Variants in CPXCR1 observed in about 807,000 individuals in gnomAD.
CPXCR1 encodes the protein CPX chromosomal region candidate gene 1 protein.
Under a neutral mutation model 13.8 loss-of-function variants are expected in CPXCR1, and 15 were observed. The observed-to-expected ratio is 1.09, with a 90% CI of 0.73 to 1.67. The LOEUF is 1.67. Among genes scored for constraint, CPXCR1 ranks in the 40% most tolerant of loss-of-function variants. CPXCR1 has a pLI of 0.00. For missense variants in CPXCR1, 247 were observed against 223.6 expected, an observed-to-expected ratio of 1.10 and a Z score of -0.67; for synonymous variants, 70 against 76.7, an observed-to-expected ratio of 0.91 and a Z score of 0.46.
In CPXCR1 at chrX:88,753,560, T is replaced by A; in HGVS notation, c.146T>A (p.Ile49Lys). Residue 49 changes from isoleucine to lysine, a missense_variant, in exon 3 of 3, where the codon ATA (isoleucine) becomes AAA (lysine). Physicochemically the swap from Ile to Lys is moderately radical, Grantham distance 102 (BLOSUM62 -3). Coordinates refer to ENST00000276127, the MANE Select transcript of CPXCR1 (RefSeq NM_033048.6). Reference protein sequence around the residue: ...NMIYQVETNPINREPGTATSQ... With the variant: ...NMIYQVETNPKNREPGTATSQ... ...ATCTATCAGGTAGAAACCAACCCAA[T>A]AAACAGGGAGCCAGGCACAGCAACC... is the stretch of plus-strand genomic sequence containing the variant. The A allele has an allele frequency of 1.7e-6, 2 of 1,206,541 alleles. No homozygotes were observed. The highest frequency in any genetic ancestry group is 3.0e-5 in the East Asian group (1 of 33,606).
Position 88,753,982 on chromosome X carries a change from C to G in CPXCR1, c.568C>G (p.His190Asp). Residue 190 changes from histidine to aspartate, a missense_variant, in exon 3 of 3, where the codon CAC (histidine) becomes GAC (aspartate). Transcript: ENST00000276127. ...CLYHPNSFTHHERAITFRRPS... is the reference protein window; with the variant it reads ...CLYHPNSFTHDERAITFRRPS... Reference sequence around the variant, plus strand: ...TTACCATCCAAATAGTTTCACCCATCACGAGAGAGCCATAACATTTAGAAG... The same window carrying G: ...TTACCATCCAAATAGTTTCACCCATGACGAGAGAGCCATAACATTTAGAAG... The G allele has an allele frequency of 8.3e-7, 1 of 1,208,910 alleles. No individual in the cohort carries two copies. Among genetic ancestry groups the G allele is most frequent in the Non-Finnish European group, 1.1e-6 (1 of 893,536 alleles).
chrX:88,750,739 C>T (rs1439521837), intron 2 of CPXCR1, among the ~76,000 whole-genome samples: 1 of 111,651 alleles, frequency 9.0e-6, no homozygotes, highest in Non-Finnish European at 1.9e-5. Flanking sequence ...TAATTACTGC[C>T]TCAATTTAAG....
In CPXCR1 at chrX:88,753,516, A is replaced by G. The variant is rs1256876265; in HGVS notation, c.102A>G (p.Pro34=). ...ACTGTAGTACAGACATAGAGTCTCC[A>G]TCTGCTGATCCCAATATGATCTATC... ...PNDCSTDIES[P]SADPNMIYQV... The change falls in exon 3 of 3, where the codon CCA becomes CCG. Residue 34 remains proline, a synonymous_variant. Transcript: ENST00000276127. 8.3e-7 allele frequency: 1 copy of G among 1,206,289 alleles called. No homozygotes were observed. Among genetic ancestry groups the G allele is most frequent in the Non-Finnish European group, 1.1e-6 (1 of 891,967 alleles).
At chrX:88,752,002 T>C (rs1924931717) in intron 2 of CPXCR1, among the ~76,000 whole-genome samples, 1 of 111,872 alleles carries the variant, frequency 8.9e-6, no homozygotes, top group African/African-American at 3.3e-5. Flanking sequence ...AAAAACCATG[T>C]TAGTCAATTT....
In CPXCR1 at chrX:88,753,385, TTG is replaced by T. The variant is rs765224050; in HGVS notation, c.-8-20_-8-19del. ...GAACATACATAAATTTAGTAAATCT[TTG>T]TCTTCTTTCCCATAAATAGAACCCA... On this transcript the variant is annotated intron_variant, in intron 2 of 2. Transcript: ENST00000276127. 15 of 913,922 alleles carry T rather than the reference TTG, an allele frequency of 1.6e-5. No homozygotes were observed. The African/African-American group carries it at 3.1e-4, about 19-fold the overall frequency. The allele number at this position is 913,922 out of a possible 1,213,427, so 75.3% of individuals were successfully genotyped here. A position where few individuals can be genotyped will look rare whatever the true frequency, so the allele number is the denominator to read the frequency against.
intron 1 of CPXCR1, among the ~76,000 whole-genome samples, chrX:88,748,439 G>T (rs1398888488): frequency 1.8e-5 from 2 of 108,180 alleles, no homozygotes; most frequent in African/African-American, 6.7e-5. Context: ...GAAAACAGCA[G>T]ACTCGGTGGT....
In CPXCR1 at chrX:88,747,241, G is replaced by GT. The variant is rs1160971624; in HGVS notation, c.-242dup. The GT allele has an allele frequency of 8.9e-6, 1 of 112,036 alleles. No homozygotes were observed. Among genetic ancestry groups the GT allele is most frequent in the Non-Finnish European group, 1.9e-5 (1 of 53,292 alleles). The allele number at this position is 112,036 out of a possible 1,213,427, so 9.2% of individuals were successfully genotyped here. A position where few individuals can be genotyped will look rare whatever the true frequency, so the allele number is the denominator to read the frequency against. On this transcript the variant is annotated 5_prime_UTR_variant, in exon 1 of 3. Transcript: ENST00000276127. ...CTGTGAAACAGGAGTAAGTGGAGAG[G>GT]TAGAGGGCAGAAGAAAAGGGGTCAA...
intron 1 of CPXCR1, 40 bp downstream of exon 1, chrX:88,747,409 C>T (rs748731972): frequency 1.8e-5 from 2 of 112,131 alleles, no homozygotes; most frequent in African/African-American, 3.2e-5. Flanking sequence ...TTAGAATATA[C>T]GTAAGAAATT....
intron 1 of CPXCR1, among the ~76,000 whole-genome samples, chrX:88,748,870 T>C (rs1001153203): frequency 2.4e-4 from 26 of 109,663 alleles, no homozygotes; most frequent in African/African-American, 8.0e-4. Context: ...CATACTTATC[T>C]TTATTTTTTG....
At chrX:88,748,448 G>A (rs1034366273) in intron 1 of CPXCR1, among the ~76,000 whole-genome samples, 7 of 108,416 alleles carry the variant, frequency 6.5e-5, no homozygotes, top group African/African-American at 2.3e-4. Flanking sequence ...AGACTCGGTG[G>A]TAAACACAGT....
chrX:88,750,010 T>C (rs193095860), intron 2 of CPXCR1, among the ~76,000 whole-genome samples: 4 of 110,577 alleles, frequency 3.6e-5, no homozygotes, highest in Admixed American at 9.8e-5. Context: ...TATACAATCA[T>C]GTCATCTGCA....
At chrX:88,750,653 G>A (rs1924890766) in intron 2 of CPXCR1, among the ~76,000 whole-genome samples, 1 of 111,961 alleles carries the variant, frequency 8.9e-6, no homozygotes, top group African/African-American at 3.2e-5. Context: ...AATGGTACCA[G>A]CTCCTCTTTT....
chrX:88,748,214 A>C (rs1422930895), intron 1 of CPXCR1, among the ~76,000 whole-genome samples: 1 of 110,858 alleles, frequency 9.0e-6, no homozygotes, highest in Non-Finnish European at 1.9e-5. Flanking sequence ...TTGTGGAAAA[A>C]ATGATTTTGG....
Position 88,753,629 on chromosome X carries a change from T to C in CPXCR1, c.215T>C (p.Leu72Pro), listed in dbSNP as rs1202733319. The C allele has an allele frequency of 5.0e-6, 6 of 1,204,539 alleles. No individual in the cohort carries two copies. The highest frequency in any genetic ancestry group is 6.7e-6 in the Non-Finnish European group (6 of 893,158). The change falls in exon 3 of 3, where the codon CTC (leucine) becomes CCC (proline). Residue 72 changes from leucine (L) to proline (P), a missense_variant. Transcript: ENST00000276127. ...CCTCAAGCAGCAGAAAACAGCGAGC[T>C]CGAAACAGAGATCCAAAAAGATCAA... ...VVPQAAENSE[L>P]ETEIQKDQRE...
chrX:88,752,377 G>A (rs1275525299), intron 2 of CPXCR1, among the ~76,000 whole-genome samples: 3 of 110,791 alleles, frequency 2.7e-5, no homozygotes, highest in Non-Finnish European at 5.7e-5. Flanking sequence ...AACAGAAAGT[G>A]GTGAATTTGG....
At position 88,754,105 on chromosome X, in the gene CPXCR1, G is replaced by A. The variant is rs758575437; in HGVS notation, c.691G>A (p.Ala231Thr). 16 of 1,203,331 alleles carry A rather than the reference G, an allele frequency of 1.3e-5. No homozygotes were observed. In the South Asian group the frequency reaches 2.7e-4, roughly 20 times the overall value. ...CACTAAAGGGAAATGTAGATTCCGT[G>A]CTATTGTGAGGTCTGTGCTCTTTGT... ...TDTKGKCRFRAIVRSVLFVSQ... is the reference protein window; with the variant it reads ...TDTKGKCRFRTIVRSVLFVSQ... The change falls in exon 3 of 3, where the codon GCT (alanine) becomes ACT (threonine). Residue 231 changes from alanine (A) to threonine (T), a missense_variant. Ala to Thr is a moderately conservative substitution (Grantham distance 58). Transcript: ENST00000276127.
At chrX:88,753,344 G>T (rs899948692) in intron 2 of CPXCR1, 63 bp from the exon 3 acceptor site, 3 of 685,686 alleles carry the variant, frequency 4.4e-6, no homozygotes, top group Admixed American at 4.7e-5. Flanking sequence ...CCAAAGAATT[G>T]ACTTCTTATA....
chrX:88,752,490 T>C (rs1924946329), intron 2 of CPXCR1, among the ~76,000 whole-genome samples: 1 of 110,464 alleles, frequency 9.1e-6, no homozygotes, highest in African/African-American at 3.3e-5. Context: ...ATTGCACCTC[T>C]TTGTACAGAC....
chrX:88,754,248 T>A lies in CPXCR1; in HGVS notation c.834T>A (p.Cys278Ter). Reference sequence around the variant, plus strand: ...CCAATAATGGTTGGAAATACTTTTGTCCCATCTGTGGAAGGCTTTTTAACA... The same window carrying A: ...CCAATAATGGTTGGAAATACTTTTGACCCATCTGTGGAAGGCTTTTTAACA... ...TNTNNGWKYF[C>*]PICGRLFNTY... The change falls in exon 3 of 3, where the codon TGT becomes TGA. Residue 278 changes from cysteine (C) to a stop codon, truncating the protein, a stop_gained. Transcript: ENST00000276127. LOFTEE classifies it high-confidence loss of function. 2 of 1,185,418 alleles carry A rather than the reference T, an allele frequency of 1.7e-6. No homozygotes were observed. The highest frequency in any genetic ancestry group is 2.3e-6 in the Non-Finnish European group (2 of 877,320).
Sources: gnomAD v4.1 joint callset for allele counts (sites outside exome capture counted in the v4.1 genomes callset) on GRCh38, gnomAD v4.1.1 for gene constraint, MANE v1.5 for transcripts, NCBI Gene and HGNC (gene_info 2026-07-23, HGNC 2026-07-21) for gene names.